The following SLC11A1 variants were observed in gnomAD, a reference collection of about 807,000 sequenced individuals.
SLC11A1 encodes natural resistance-associated macrophage protein 1.
Under a neutral mutation model 63.2 loss-of-function variants are expected in SLC11A1, and 59 were observed. The ratio of observed to expected loss-of-function variants is 0.93; its 90% CI spans 0.76 to 1.16. The LOEUF is 1.16. SLC11A1 is among the 50% of genes most tolerant of loss of function. The pLI, the probability that SLC11A1 is intolerant of heterozygous loss-of-function variation, is 0.00. For synonymous variants in SLC11A1, 305 were observed against 307.8 expected, an observed-to-expected ratio of 0.99 and a Z score of 0.09; for missense variants, 688 against 730.7, an observed-to-expected ratio of 0.94 and a Z score of 0.67.
chr2:218,384,878 T>G lies in SLC11A1; in HGVS notation c.274-269T>G. On this transcript the variant is annotated intron_variant, in intron 3 of 14. Transcript: ENST00000233202. The surrounding 1 kb of genome is among the most constrained non-coding windows in gnomAD (Gnocchi z 4.0). ...CTGGGATAACAGGTGTGAGCCACCT[T>G]GCCTGGCGTAATTTATTTATTTATT... The G allele has an allele frequency of 2.6e-6, 1 of 386,864 alleles. No homozygotes were observed. The highest frequency in any genetic ancestry group is 4.0e-5 in the Admixed American group (1 of 25,242). 24.0% of individuals were successfully genotyped at this position (386,864 alleles called of 1,614,324 possible).
At chr2:218,388,055 A>T in intron 8 of SLC11A1, 100 bp downstream of exon 8, 1 of 1,358,164 alleles carries the variant, frequency 7.4e-7, no homozygotes, top group South Asian at 1.5e-5. Context: ...TCCTTCCCTC[A>T]GGATTTGCGG....
Position 218,384,498 on chromosome 2 carries a change from G to C in SLC11A1, c.273+133G>C, listed in dbSNP as rs926831065. The C allele has an allele frequency of 2.7e-6, 3 of 1,099,524 alleles. No homozygotes were observed. Among genetic ancestry groups the C allele is most frequent in the Admixed American group, 2.5e-5 (1 of 40,508 alleles). 68.1% of individuals were successfully genotyped at this position (1,099,524 alleles called of 1,614,324 possible). On this transcript the variant is annotated intron_variant, in intron 3 of 14. Transcript: ENST00000233202. This position sits in a 1 kb window ranked among gnomAD's most constrained non-coding sequence, Gnocchi z 4.0. ...TGTTAAGTTCAAATGGGCCCGAAAA[G>C]GGTCCCCAGGGCAGCCCTGCCAGAA...
At position 218,391,479 on chromosome 2, in the gene SLC11A1, G is replaced by C. The variant is rs773170357; in HGVS notation, c.1148G>C (p.Gly383Ala). 3 of 1,599,804 alleles carry C rather than the reference G, an allele frequency of 1.9e-6. No homozygotes were observed. Among genetic ancestry groups the C allele is most frequent in the East Asian group, 2.3e-5 (1 of 44,026 alleles). Reference protein sequence around the residue: ...QSSTMTGTYAGQFVMEGFLRL... With the variant: ...QSSTMTGTYAAQFVMEGFLRL... ...TCCACCATGACGGGCACCTACGCGG[G>C]ACAGTTCGTGATGGAGGTAGGGCAG... The change falls in exon 11 of 15, where the codon GGA becomes GCA. Residue 383 changes from glycine (G) to alanine (A), a missense_variant. Physicochemically the swap from Gly to Ala is moderately conservative, Grantham distance 60. Transcript: ENST00000233202.
intron 13 of SLC11A1, 138 bp from the exon 14 acceptor site, chr2:218,394,494 C>A: frequency 2.1e-6 from 2 of 966,622 alleles, no homozygotes; most frequent in Non-Finnish European, 3.1e-6. Context: ...GGGGGTCTGT[C>A]TGCTCCAGGT....
chr2:218,392,010 A>G (rs1036818716), intron 11 of SLC11A1: 4 of 291,160 alleles, frequency 1.4e-5, no homozygotes, highest in African/African-American at 2.3e-5. Context: ...CCCGCCTTGG[A>G]CTCCTGAAGT....
Position 218,391,212 on chromosome 2 carries a change from C to A in SLC11A1, c.969C>A (p.Ala323=). 1 of 1,590,190 alleles carries A rather than the reference C, an allele frequency of 6.3e-7. No individual in the cohort carries two copies. Among genetic ancestry groups the A allele is most frequent in the Non-Finnish European group, 8.6e-7 (1 of 1,165,046 alleles). ...GGTACCCACAGTTCAACATCTGTGC[C>A]AACAGCAGCCTCCACGACTACGCCA... ...KTNQAAFNIC[A]NSSLHDYAKI... Residue 323 remains alanine, a synonymous_variant, in exon 10 of 15, where the codon GCC becomes GCA. Coordinates refer to ENST00000233202, the MANE Select transcript of SLC11A1 (RefSeq NM_000578.4).
rs974444906 is a variant in SLC11A1 at position 218,384,235 on chromosome 2, C to T, written c.151-8C>T. 6.3e-7 allele frequency: 1 copy of T among 1,589,816 alleles called. No individual in the cohort carries two copies. Among genetic ancestry groups the T allele is most frequent in the African/African-American group, 1.3e-5 (1 of 74,498 alleles). On this transcript the variant is annotated splice_polypyrimidine_tract_variant and splice_region_variant and intron_variant, in intron 2 of 14. Coordinates refer to ENST00000233202, the MANE Select transcript of SLC11A1 (RefSeq NM_000578.4). This position sits in a 1 kb window ranked among gnomAD's most constrained non-coding sequence, Gnocchi z 4.0. ...CCCCCTCACTCTACTCCTCCCACCC[C>T]CCAACAGGGCACCTTCAGCCTGCGG...
intron 13 of SLC11A1, 184 bp downstream of exon 13, chr2:218,394,377 A>G (rs1696634438): frequency 2.8e-6 from 2 of 715,650 alleles, no homozygotes; most frequent in Non-Finnish European, 4.6e-6. Context: ...AATCCAGGGA[A>G]GAGGGCTGTT....
chr2:218,392,125 A>C, intron 11 of SLC11A1: 1 of 393,218 alleles, frequency 2.5e-6, no homozygotes, highest in Non-Finnish European at 5.1e-6. Context: ...GCTGGAGTGC[A>C]ATGGCGCGAT....
intron 10 of SLC11A1, 44 bp from the exon 11 acceptor site, chr2:218,391,332 C>T (rs755619932): frequency 2.6e-5 from 42 of 1,613,828 alleles, no homozygotes; most frequent in Non-Finnish European, 3.3e-5. Context: ...AGAGGCTCCC[C>T]GCCTCGGGCA....
chr2:218,396,597 T>TGTCCC lies in SLC11A1; in HGVS notation c.*1563_*1564insTCCCG, dbSNP rs1392265558. On this transcript the variant is annotated 3_prime_UTR_variant, in exon 15 of 15. Transcript: ENST00000233202. ...GTGGGTCCCTCAAGGAGAGAAGAGA[T>TGTCCC]GGGACCGGTCTGGTGCGACCTGGGC... is the stretch of plus-strand genomic sequence containing the variant. 1 of 152,428 alleles carries TGTCCC rather than the reference T, an allele frequency of 6.6e-6. No individual in the cohort carries two copies. The highest frequency in any genetic ancestry group is 6.5e-5 in the Admixed American group (1 of 15,282). The allele number at this position is 152,428 out of a possible 1,614,324, so 9.4% of individuals were successfully genotyped here.
intron 5 of SLC11A1, 72 bp from the exon 6 acceptor site, chr2:218,387,088 C>T (rs928838151): frequency 2.1e-6 from 3 of 1,415,534 alleles, no homozygotes; most frequent in East Asian, 4.5e-5. Flanking sequence ...TTCCTGTCTC[C>T]AGCCCTGAGG....
At chr2:218,382,412 G>A in intron 1 of SLC11A1, 37 bp downstream of exon 1, 16 of 1,612,222 alleles carry the variant, frequency 9.9e-6, no homozygotes, top group Non-Finnish European at 1.3e-5. Flanking sequence ...CCTGATTGGG[G>A]GGTGGAGTGG....
rs867596122 is a variant in SLC11A1 at position 218,394,195 on chromosome 2, T to G, written c.1388+2T>G. The G allele has an allele frequency of 6.8e-6, 11 of 1,614,032 alleles. No individual in the cohort carries two copies. The highest frequency in any genetic ancestry group is 9.3e-6 in the Non-Finnish European group (11 of 1,179,920). On this transcript the variant is annotated splice_donor_variant, in intron 13 of 14. Transcript: ENST00000233202. LOFTEE classifies it high-confidence loss of function. The stretch of plus-strand genomic sequence containing the variant: ...CATGCAGGAGTTTGCCAATGGCCTG[T>G]GAGTACCCCCTTTCCCAAGTGCTGG...
chr2:218,391,357 A>G lies in SLC11A1; in HGVS notation c.1045-19A>G, dbSNP rs1311268260. On this transcript the variant is annotated intron_variant, in intron 10 of 14. Transcript: ENST00000233202. The stretch of plus-strand genomic sequence containing the variant: ...CGCCTCGGGCAGGGCCACCGGTCCT[A>G]CCACACTCGTCCCTGCAGGGCGTGA... The G allele has an allele frequency of 1.2e-6, 2 of 1,613,942 alleles. No individual in the cohort carries two copies. The highest frequency in any genetic ancestry group is 2.2e-5 in the East Asian group (1 of 44,878).
rs760595815 is a variant in SLC11A1, at chr2:218,384,348, G to A, written c.256G>A (p.Ala86Thr). The change falls in exon 3 of 15, where the codon GCC becomes ACC. Residue 86 changes from alanine (A) to threonine (T), a missense_variant. Ala to Thr is a moderately conservative substitution (Grantham distance 58). Transcript: ENST00000233202. This position sits in a 1 kb window ranked among gnomAD's most constrained non-coding sequence, Gnocchi z 4.0. ...CATCGAGTCAGATCTTCAGGCTGGC[G>A]CCGTGGCGGGATTCAAAGTAACTAA... is the stretch of plus-strand genomic sequence containing the variant. The part of the protein sequence containing the change: ...GNIESDLQAG[A>T]VAGFKLLWVL... 1.3e-5 allele frequency: 21 copies of A among 1,604,490 alleles called. No individual in the cohort carries two copies. Among genetic ancestry groups the A allele is most frequent in the East Asian group, 6.7e-5 (3 of 44,524 alleles).
rs763570124 is a variant in SLC11A1, at chr2:218,382,977, A to T, written c.25A>T (p.Arg9Trp). Residue 9 changes from arginine to tryptophan, a missense_variant, in exon 2 of 15, where the codon AGG becomes TGG. By Grantham distance (101) the Arg-to-Trp change is moderately radical. Transcript: ENST00000233202. ...CCCCACAGGTGACAAGGGTCCCCAA[A>T]GGCTAAGCGGGTCCAGCTATGGTTC... MTGDKGPQ[R>W]LSGSSYGSIS... The T allele has an allele frequency of 1.2e-6, 2 of 1,614,070 alleles. No homozygotes were observed. The highest frequency in any genetic ancestry group is 1.7e-6 in the Non-Finnish European group (2 of 1,179,990).
intron 2 of SLC11A1, chr2:218,383,911 T>G (rs1409183706): frequency 5.6e-6 from 1 of 178,912 alleles, no homozygotes; most frequent in Admixed American, 6.2e-5. Context: ...GGAGCTGGGC[T>G]AGGGAAGCTT....
chr2:218,394,211 C>A lies in SLC11A1; in HGVS notation c.1388+18C>A. The A allele has an allele frequency of 6.2e-7, 1 of 1,612,184 alleles. No homozygotes were observed. Among genetic ancestry groups the A allele is most frequent in the East Asian group, 2.2e-5 (1 of 44,872 alleles). ...AATGGCCTGTGAGTACCCCCTTTCC[C>A]AAGTGCTGGATTGCATCACCACATT... On this transcript the variant is annotated intron_variant, in intron 13 of 14. Transcript: ENST00000233202.
Sources: gnomAD v4.1 joint callset for allele counts on GRCh38, gnomAD v4.1.1 for gene constraint, Gnocchi (gnomAD v3.1) non-coding constraint, MANE v1.5 for transcripts, NCBI Gene and HGNC (gene_info 2026-07-23, HGNC 2026-07-21) for gene names.